Variants in ZNF25 observed in about 807,000 individuals in gnomAD.
ZNF25 encodes zinc finger protein 25 (KOX 19).
Under a neutral mutation model 30.9 loss-of-function variants are expected in ZNF25, and 21 were observed. That is an observed-to-expected ratio of 0.68 (90% confidence interval 0.48 to 0.98). The LOEUF is 0.98. Among genes scored for constraint, ZNF25 ranks in the 50% least tolerant of loss-of-function variants. ZNF25 has a pLI of 0.00. For missense variants in ZNF25, 501 were observed against 529.9 expected (o/e 0.95, Z 0.54); for synonymous variants, 169 against 181.3 (o/e 0.93, Z 0.55).
intron 2 of ZNF25, among the ~76,000 whole-genome samples, chr10:37,968,368 T>G (rs1281554117): frequency 1.3e-5 from 2 of 151,542 alleles, no homozygotes; most frequent in Non-Finnish European, 2.9e-5. Flanking sequence ...TTTTTTTTTT[T>G]TTTTTAAGAC....
At chr10:37,958,027 G>C (rs976267379) in intron 2 of ZNF25, among the ~76,000 whole-genome samples, 8 of 152,142 alleles carry the variant, frequency 5.3e-5, no homozygotes, top group African/African-American at 1.9e-4. Context: ...ATCTAGGCTT[G>C]TGTAAGGACA....
At chr10:37,961,399 ATG>A (rs1455118079) in intron 2 of ZNF25, among the ~76,000 whole-genome samples, 16 of 152,350 alleles carry the variant, frequency 1.1e-4, no homozygotes, top group Admixed American at 1.0e-3. Flanking sequence ...GACTTCTCAT[ATG>A]TAGAACCAAA....
chr10:37,957,303 G>A (rs2062593651), intron 3 of ZNF25, 117 bp downstream of exon 3: 21 of 1,388,880 alleles, frequency 1.5e-5, no homozygotes, highest in South Asian at 2.8e-5. Flanking sequence ...TATTAACTTC[G>A]ACCTCTGAAT....
At chr10:37,976,070 A>G (rs932991633) in intron 1 of ZNF25, among the ~76,000 whole-genome samples, 10 of 152,206 alleles carry the variant, frequency 6.6e-5, no homozygotes, top group African/African-American at 2.4e-4. Flanking sequence ...GAAGCAGCTC[A>G]CCTTTATTGA....
At chr10:37,955,343 TA>T (rs2062452495) in intron 4 of ZNF25, among the ~76,000 whole-genome samples, 1 of 152,164 alleles carries the variant, frequency 6.6e-6, no homozygotes, top group Non-Finnish European at 1.5e-5. Context: ...TTATTTTGTC[TA>T]AAGGACTTAA....
chr10:37,971,594 A>T (rs2063490144), intron 2 of ZNF25, 114 bp downstream of exon 2: 3 of 1,521,380 alleles, frequency 2.0e-6, no homozygotes, highest in Non-Finnish European at 2.7e-6. Flanking sequence ...TACGTTTCTA[A>T]TTTAGTATAT....
intron 1 of ZNF25, among the ~76,000 whole-genome samples, chr10:37,974,989 G>A (rs1440315125): frequency 1.3e-5 from 2 of 152,178 alleles, no homozygotes; most frequent in Non-Finnish European, 1.5e-5. Flanking sequence ...AGGGCATTAT[G>A]TTACATGAAA....
In ZNF25 at chr10:37,957,510, T is replaced by C. The variant is rs1262549853; in HGVS notation, c.52A>G (p.Thr18Ala). 1 of 1,613,932 alleles carries C rather than the reference T, an allele frequency of 6.2e-7. No homozygotes were observed. Among genetic ancestry groups the C allele is most frequent in the Admixed American group, 1.7e-5 (1 of 60,014 alleles). ...GTCAGTAACTTCCATTCTTCCTTGG[T>C]GAATTCCACAATAACATCCTTTAAT... ...VTLKDVIVEF[T>A]KEEWKLLTPA... Residue 18 changes from threonine to alanine, a missense_variant, in exon 3 of 6, where the codon ACC becomes GCC. Thr to Ala is a moderately conservative substitution (Grantham distance 58). Transcript: ENST00000302609.
intron 2 of ZNF25, among the ~76,000 whole-genome samples, chr10:37,967,425 T>TC (rs1042027027): frequency 6.6e-6 from 1 of 151,910 alleles, no homozygotes; most frequent in African/African-American, 2.4e-5. Context: ...TTTCTTCTTT[T>TC]TTTTTTTTTT....
At chr10:37,957,974 A>C (rs2062634711) in intron 2 of ZNF25, among the ~76,000 whole-genome samples, 1 of 152,212 alleles carries the variant, frequency 6.6e-6, no homozygotes, top group African/African-American at 2.4e-5. Context: ...GCCTAGAAGC[A>C]ATGGGCTACA....
At chr10:37,956,091 A>G (rs1394153162) in intron 4 of ZNF25, among the ~76,000 whole-genome samples, 4 of 152,232 alleles carry the variant, frequency 2.6e-5, no homozygotes, top group Non-Finnish European at 4.4e-5. Flanking sequence ...CAAGTTAGAA[A>G]ATACGTGACA....
chr10:37,975,752 T>C (rs2063772504), intron 1 of ZNF25, among the ~76,000 whole-genome samples: 1 of 152,178 alleles, frequency 6.6e-6, no homozygotes, highest in Non-Finnish European at 1.5e-5. Context: ...TCCCCAAGCA[T>C]TTTTGGAAAC....
intron 2 of ZNF25, among the ~76,000 whole-genome samples, chr10:37,964,038 C>T (rs1420106750): frequency 6.6e-6 from 1 of 152,050 alleles, no homozygotes; most frequent in Non-Finnish European, 1.5e-5. Context: ...TCTCTTGCTC[C>T]CACTGTCACT....
chr10:37,957,696 A>G, intron 2 of ZNF25, 150 bp from the exon 3 acceptor site: 1 of 811,510 alleles, frequency 1.2e-6, no homozygotes, highest in East Asian at 2.8e-5. Flanking sequence ...CTTTATTCAT[A>G]GAAGGAATAT....
chr10:37,972,892 G>A (rs983438031), intron 1 of ZNF25, among the ~76,000 whole-genome samples: 1 of 152,196 alleles, frequency 6.6e-6, no homozygotes, highest in African/African-American at 2.4e-5. Context: ...AGCAGGCCAG[G>A]CACGGTGGCT....
intron 2 of ZNF25, among the ~76,000 whole-genome samples, chr10:37,967,447 T>C (rs767298873): frequency 1.3e-4 from 19 of 150,218 alleles, no homozygotes; most frequent in Non-Finnish European, 2.4e-4. Context: ...TGAGACAGGG[T>C]CTCACTGGCT....
intron 2 of ZNF25, among the ~76,000 whole-genome samples, chr10:37,962,390 A>C (rs1276383795): frequency 1.3e-5 from 2 of 152,222 alleles, no homozygotes; most frequent in African/African-American, 2.4e-5. Flanking sequence ...TCCTTCAAAG[A>C]TACTTCTAAA....
chr10:37,965,433 G>A (rs1220017805), intron 2 of ZNF25, among the ~76,000 whole-genome samples: 1 of 152,206 alleles, frequency 6.6e-6, no homozygotes, highest in Non-Finnish European at 1.5e-5. Flanking sequence ...AATCCATTAA[G>A]ATTAAAGCAG....
Position 37,952,719 on chromosome 10 carries a change from C to T in ZNF25, c.779G>A (p.Cys260Tyr), listed in dbSNP as rs761931543. ...KTHTGEKPYE[C>Y]KECGKAFSQK... ...GGAAAAGGCTTTCCCACACTCCTTA[C>T]ACTCATAGGGTTTCTCCCCTGTGTG... The change falls in exon 6 of 6, where the codon TGT becomes TAT. Residue 260 changes from cysteine (C) to tyrosine (Y), a missense_variant. Transcript: ENST00000302609. The T allele has an allele frequency of 4.2e-5, 68 of 1,613,888 alleles. No homozygotes were observed. Among genetic ancestry groups the T allele is most frequent in the Non-Finnish European group, 5.1e-5 (60 of 1,179,962 alleles).
Sources: gnomAD v4.1 joint callset for allele counts (sites outside exome capture counted in the v4.1 genomes callset) on GRCh38, gnomAD v4.1.1 for gene constraint, MANE v1.5 for transcripts, NCBI Gene and HGNC (gene_info 2026-07-23, HGNC 2026-07-21) for gene names.